The following ZNF821 variants were observed in gnomAD, a reference collection of about 807,000 sequenced individuals.
ZNF821 encodes zinc finger protein 821.
A neutral mutation model predicts 44.3 loss-of-function variants in ZNF821; 16 were observed. The observed-to-expected ratio is 0.36, with a 90% CI of 0.24 to 0.55. ZNF821 has a LOEUF of 0.55. Ranked by LOEUF, ZNF821 falls within the 20% of genes least tolerant of loss-of-function variation. The probability of loss-of-function intolerance (pLI) is 0.86; values close to 1 mark genes in which losing one functional copy is unlikely to be tolerated. For synonymous variants in ZNF821, 204 were observed against 197.6 expected (o/e 1.03, Z -0.27); for missense variants, 436 against 547.6 (o/e 0.80, Z 2.03).
In ZNF821 at chr16:71,864,661, TG is replaced by T; in HGVS notation, c.312+241del. On this transcript the variant is annotated intron_variant, in intron 5 of 7. Transcript: ENST00000425432. ...AGTTTCTCTCATGTCTGGAAAGACG[TG>T]GGGAGCTGCAGGAAAGAGAGCTGTG... 8.0e-6 allele frequency: 4 copies of T among 497,432 alleles called. No homozygotes were observed. The South Asian group carries it at 8.5e-5, about 11-fold the overall frequency. The allele number at this position is 497,432 out of a possible 1,614,324, so 30.8% of individuals were successfully genotyped here. A position where few individuals can be genotyped will look rare whatever the true frequency, so the allele number is the denominator to read the frequency against.
At chr16:71,868,097 C>T (rs1341002393) in intron 3 of ZNF821, 60 bp from the exon 4 acceptor site, 1 of 1,509,718 alleles carries the variant, frequency 6.6e-7, no homozygotes, top group African/African-American at 1.4e-5. Context: ...CCCAGGCAAG[C>T]TGGTTGGAAG....
At chr16:71,861,338 C>G (rs2033861706) in intron 7 of ZNF821, among the ~76,000 whole-genome samples, 1 of 152,214 alleles carries the variant, frequency 6.6e-6, no homozygotes, top group Non-Finnish European at 1.5e-5. Flanking sequence ...CTCCTTCAGG[C>G]AAGGTGCAGA....
upstream of ZNF821, among the ~76,000 whole-genome samples, chr16:71,887,259 C>CTTTTT (rs60449301): frequency 1.6e-5 from 2 of 124,878 alleles, no homozygotes; most frequent in Non-Finnish European, 3.2e-5. Flanking sequence ...TATATTCAAC[C>CTTTTT]TTTTTTTTTT....
At chr16:71,886,886 C>G (rs751775259), upstream of ZNF821, among the ~76,000 whole-genome samples, 1 of 152,220 alleles carries the variant, frequency 6.6e-6, no homozygotes, top group African/African-American at 2.4e-5. Flanking sequence ...TTTGCCTATT[C>G]TGGACATTTC....
intron 1 of ZNF821, chr16:71,894,779 T>TC (rs2036929424): frequency 1.5e-6 from 2 of 1,377,558 alleles, no homozygotes; most frequent in Non-Finnish European, 2.0e-6. Flanking sequence ...CAAGCGATCC[T>TC]CCCGCCCCGC....
upstream of ZNF821, among the ~76,000 whole-genome samples, chr16:71,887,229 GCTTGGTCAAATGGTAACT>G (rs1230057729): frequency 6.7e-6 from 1 of 149,436 alleles, no homozygotes; most frequent in Non-Finnish European, 1.5e-5. Flanking sequence ...GAGTGGAATT[GCTTGGTCAAATGGTAACT>G]CTATATTCAA....
chr16:71,889,759 G>A (rs1009624995), upstream of ZNF821, among the ~76,000 whole-genome samples: 4 of 152,018 alleles, frequency 2.6e-5, no homozygotes, highest in African/African-American at 4.8e-5. Context: ...ATGCCAGACC[G>A]GGCAGCATGG....
At chr16:71,863,646 T>C (rs1207229379) in intron 6 of ZNF821, among the ~76,000 whole-genome samples, 1 of 152,118 alleles carries the variant, frequency 6.6e-6, no homozygotes, top group Admixed American at 6.5e-5. Flanking sequence ...CACTTCAGCC[T>C]CTCAAAGTGC....
In ZNF821 at chr16:71,883,991, C is replaced by T. The variant is rs1489262494; in HGVS notation, c.-224G>A. ...GACCGCCGGACAATGGACCCGGGAC[C>T]GCAGCCCAAGCCAGCCGGGCCGGGG... is the stretch of plus-strand genomic sequence containing the variant. On this transcript the variant is annotated 5_prime_UTR_variant, in exon 1 of 8. Transcript: ENST00000425432. 1 of 152,118 alleles carries T rather than the reference C, an allele frequency of 6.6e-6. No homozygotes were observed. Among genetic ancestry groups the T allele is most frequent in the Non-Finnish European group, 1.5e-5 (1 of 68,032 alleles). The allele number at this position is 152,118 out of a possible 1,614,324, so 9.4% of individuals were successfully genotyped here.
chr16:71,890,935 T>C (rs2036881839), intron 1 of ZNF821, among the ~76,000 whole-genome samples: 1 of 151,768 alleles, frequency 6.6e-6, no homozygotes, highest in African/African-American at 2.4e-5. Flanking sequence ...CACGCCCAGC[T>C]AATTTTTTTT....
In ZNF821 at chr16:71,880,027, C is replaced by A; in HGVS notation, c.-77-4G>T. The A allele has an allele frequency of 7.4e-7, 1 of 1,353,974 alleles. No individual in the cohort carries two copies. The highest frequency in any genetic ancestry group is 1.0e-6 in the Non-Finnish European group (1 of 973,472). The allele number at this position is 1,353,974 out of a possible 1,614,324, so 83.9% of individuals were successfully genotyped here. A position where few individuals can be genotyped will look rare whatever the true frequency, so the allele number is the denominator to read the frequency against. ...TACCTCCTTGCAAGATGCTAACCTG[C>A]AATAAAAAAGGTTATTGTTAGCACA... On this transcript the variant is annotated splice_polypyrimidine_tract_variant and splice_region_variant and intron_variant, in intron 2 of 7. Transcript: ENST00000425432.
At chr16:71,868,941 C>CCT (rs1200237868) in intron 3 of ZNF821, among the ~76,000 whole-genome samples, 1 of 152,108 alleles carries the variant, frequency 6.6e-6, no homozygotes, top group Non-Finnish European at 1.5e-5. Context: ...GGATTACAGG[C>CCT]GTGAGCCACC....
intron 3 of ZNF821, among the ~76,000 whole-genome samples, chr16:71,873,506 A>G (rs866873730): frequency 2.6e-5 from 4 of 152,176 alleles, no homozygotes; most frequent in African/African-American, 7.2e-5. Context: ...GTCTAACTAG[A>G]TATTTCTGAG....
chr16:71,861,971 C>A, intron 6 of ZNF821, 29 bp from the exon 7 acceptor site: 1 of 1,610,510 alleles, frequency 6.2e-7, no homozygotes, highest in Non-Finnish European at 8.5e-7. Flanking sequence ...ATCTGTCAGT[C>A]TTGCGCTACC....
intron 4 of ZNF821, among the ~76,000 whole-genome samples, chr16:71,866,772 C>T (rs1279419184): frequency 3.9e-5 from 6 of 152,058 alleles, no homozygotes; most frequent in Non-Finnish European, 8.8e-5. Flanking sequence ...TTTTTGTGCC[C>T]GAGCAATTAA....
rs2142487500 is a variant in ZNF821 at position 71,883,195 on chromosome 16, G to T, written c.-78+16C>A. 2.2e-6 allele frequency: 1 copy of T among 456,472 alleles called. No homozygotes were observed. Among genetic ancestry groups the T allele is most frequent in the East Asian group, 6.9e-5 (1 of 14,402 alleles). 28.3% of individuals were successfully genotyped at this position (456,472 alleles called of 1,614,324 possible). ...GAGTGAAATCTCAGCTTGATGAAAA[G>T]AGAGTGCGTTCCCACCTCCAGCTCT... On this transcript the variant is annotated intron_variant, in intron 2 of 7. Coordinates refer to ENST00000425432, the MANE Select transcript of ZNF821 (RefSeq NM_001201552.2).
At position 71,864,236 on chromosome 16, in the gene ZNF821, C is replaced by T. The variant is rs775304428; in HGVS notation, c.319G>A (p.Gly107Arg). 2 of 1,614,108 alleles carry T rather than the reference C, an allele frequency of 1.2e-6. No homozygotes were observed. The highest frequency in any genetic ancestry group is 1.7e-5 in the Admixed American group (1 of 60,020). The change falls in exon 6 of 8, where the codon GGG becomes AGG. Residue 107 changes from glycine (G) to arginine (R), a missense_variant. Transcript: ENST00000425432. The stretch of plus-strand genomic sequence containing the variant: ...AGCAAGGGGTCAGAATTCAAATTCC[C>T]TGTGACCTGTGATTCAACAAATAGG... ...GNEVVEHEVT[G>R]NLNSDPLLEL...
chr16:71,861,045 G>A (rs866398683), intron 7 of ZNF821, among the ~76,000 whole-genome samples: 1 of 151,946 alleles, frequency 6.6e-6, no homozygotes, highest in Non-Finnish European at 1.5e-5. Context: ...TAGTAGAGAC[G>A]GGGTTTCACC....
At chr16:71,870,369 C>CAA (rs796575103) in intron 3 of ZNF821, among the ~76,000 whole-genome samples, 3 of 131,102 alleles carry the variant, frequency 2.3e-5, no homozygotes, top group South Asian at 2.3e-4. Flanking sequence ...GTAGAGAAAA[C>CAA]AAAAAAAAAA....
Sources: gnomAD v4.1 joint callset for allele counts (sites outside exome capture counted in the v4.1 genomes callset) on GRCh38, gnomAD v4.1.1 for gene constraint, MANE v1.5 for transcripts, NCBI Gene and HGNC (gene_info 2026-07-23, HGNC 2026-07-21) for gene names.